The following LARP1 variants were observed in gnomAD, a reference collection of about 807,000 sequenced individuals.
The protein encoded by LARP1 is La ribonucleoprotein 1, translational regulator.
Under a neutral mutation model 122.7 loss-of-function variants are expected in LARP1, and 36 were observed. The observed-to-expected ratio is 0.29, with a 90% CI of 0.22 to 0.39. The LOEUF is 0.39. LARP1 is among the 10% of genes least tolerant of loss of function. LARP1 has a pLI of 1.00. For missense variants in LARP1, 1,040 were observed against 1,403.6 expected (o/e 0.74, Z 4.14); for synonymous variants, 539 against 528.7 (o/e 1.02, Z -0.27).
In LARP1 at chr5:154,802,504, C is replaced by T. The variant is rs1758428434; in HGVS notation, c.2109+105C>T. ...CAATTTTAGGCAGGTCCTTATAATT[C>T]AGAGTCTCAGGATTTTTATATATGG... On this transcript the variant is annotated intron_variant, in intron 11 of 18. Transcript: ENST00000518297. The surrounding 1 kb of genome is among the most constrained non-coding windows in gnomAD (Gnocchi z 5.1). The T allele has an allele frequency of 6.0e-6, 8 of 1,342,076 alleles. No individual in the cohort carries two copies. Among genetic ancestry groups the T allele is most frequent in the Non-Finnish European group, 7.9e-6 (8 of 1,006,682 alleles). The allele number at this position is 1,342,076 out of a possible 1,614,324, so 83.1% of individuals were successfully genotyped here.
At chr5:154,719,417 G>C (rs1178301975) in intron 1 of LARP1, among the ~76,000 whole-genome samples, 1 of 151,972 alleles carries the variant, frequency 6.6e-6, no homozygotes, top group African/African-American at 2.4e-5. Flanking sequence ...GAAACCTATG[G>C]GCTCCTTCTC....
rs1353680336 is a variant in LARP1, at chr5:154,816,655, G to A, written c.*2559G>A. On this transcript the variant is annotated 3_prime_UTR_variant, in exon 19 of 19. Transcript: ENST00000518297. ...TTTAGGACCGATGTATCTGTGACAA[G>A]CATGCCAGAAGTGGCAGGGGCCATC... 1 of 152,632 alleles carries A rather than the reference G, an allele frequency of 6.6e-6. No individual in the cohort carries two copies. The highest frequency in any genetic ancestry group is 1.5e-5 in the Non-Finnish European group (1 of 68,068). 9.5% of individuals were successfully genotyped at this position (152,632 alleles called of 1,614,324 possible). A position where few individuals can be genotyped will look rare whatever the true frequency, so the allele number is the denominator to read the frequency against.
intron 1 of LARP1, among the ~76,000 whole-genome samples, chr5:154,733,271 C>T (rs543745464): frequency 1.3e-5 from 2 of 152,340 alleles, no homozygotes; most frequent in East Asian, 1.9e-4. Context: ...GTTACGACAC[C>T]GTGTTGGTCT....
chr5:154,768,420 G>A (rs1755127299), intron 1 of LARP1, among the ~76,000 whole-genome samples: 1 of 152,144 alleles, frequency 6.6e-6, no homozygotes, highest in Non-Finnish European at 1.5e-5. Context: ...CCAGCCCACT[G>A]ACAAGTTTTG....
At chr5:154,751,917 ATAGT>A (rs1753520809), upstream of LARP1, among the ~76,000 whole-genome samples, 2 of 152,176 alleles carry the variant, frequency 1.3e-5, no homozygotes, top group Admixed American at 1.3e-4. Context: ...ATAAAATACC[ATAGT>A]TGGTTAGGAA....
chr5:154,720,737 A>G (rs1009663251), intron 1 of LARP1, among the ~76,000 whole-genome samples: 15 of 152,074 alleles, frequency 9.9e-5, no homozygotes, highest in Non-Finnish European at 7.4e-5. Context: ...AGAAGAAAAA[A>G]TTCTTTCCTT....
rs749004526 is a variant in LARP1, at chr5:154,800,004, G to A, written c.1678G>A (p.Val560Met). 6.2e-7 allele frequency: 1 copy of A among 1,614,072 alleles called. No individual in the cohort carries two copies. The highest frequency in any genetic ancestry group is 1.7e-5 in the Admixed American group (1 of 60,016). Reference protein sequence around the residue: ...PDLDSENWIEVKKRPRPSPAR... With the variant: ...PDLDSENWIEMKKRPRPSPAR... ...CCTGGATTCTGAGAACTGGATTGAA[G>A]TGAAGAAGAGGCCTCGGCCATCCCC... is the stretch of plus-strand genomic sequence containing the variant. The change falls in exon 10 of 19, where the codon GTG becomes ATG. Residue 560 changes from valine (V) to methionine (M), a missense_variant. Physicochemically the swap from Val to Met is conservative, Grantham distance 21. Coordinates refer to ENST00000518297, the MANE Select transcript of LARP1 (RefSeq NM_033551.3).
chr5:154,741,051 TGACAGCATGGTCCCCAGTCCAGG>T (rs1312801961), intron 1 of LARP1, among the ~76,000 whole-genome samples: 1 of 152,136 alleles, frequency 6.6e-6, no homozygotes, highest in East Asian at 1.9e-4. Flanking sequence ...CCTGGAAATC[TGACAGCATGGTCCCCAGTCCAGG>T]GACTGGGGAA....
chr5:154,699,121 T>G lies in LARP1; in HGVS notation c.-180+16084T>G, dbSNP rs1342574920. Among the ~76,000 whole-genome samples, 4 of 152,330 alleles carry G rather than the reference T, an allele frequency of 2.6e-5. No individual in the cohort carries two copies. In the East Asian group the frequency reaches 7.7e-4, roughly 29 times the overall value. ...CTTGGCTAATCTTGAGTCATTTATG[T>G]GGGCTTATCTGACTATTCCTGTTTT... is the stretch of plus-strand genomic sequence containing the variant. On this transcript the variant is annotated intron_variant, in intron 1 of 18. Transcript: ENST00000687700.
At chr5:154,759,644 T>C (rs1754283080) in intron 1 of LARP1, among the ~76,000 whole-genome samples, 1 of 152,212 alleles carries the variant, frequency 6.6e-6, no homozygotes, top group Non-Finnish European at 1.5e-5. Context: ...CTGGTGCACA[T>C]GTAGTGCCGT....
chr5:154,798,112 C>T (rs1357310616), intron 8 of LARP1, among the ~76,000 whole-genome samples: 1 of 152,094 alleles, frequency 6.6e-6, no homozygotes, highest in East Asian at 1.9e-4. Context: ...TTTTATTTTG[C>T]TTCCAAGTTT....
At chr5:154,705,945 T>C (rs1754926607) in intron 1 of LARP1, among the ~76,000 whole-genome samples, 1 of 152,144 alleles carries the variant, frequency 6.6e-6, no homozygotes, top group Admixed American at 6.6e-5. Flanking sequence ...CTATTCACAA[T>C]AGCAAAGACG....
intron 1 of LARP1, among the ~76,000 whole-genome samples, chr5:154,683,656 A>G (rs1056099496): frequency 1.4e-4 from 22 of 152,114 alleles, no homozygotes; most frequent in Non-Finnish European, 3.1e-4. Flanking sequence ...CACCCCATTC[A>G]TATTTTACAT....
intron 1 of LARP1, among the ~76,000 whole-genome samples, chr5:154,696,531 G>A (rs1163307350): frequency 6.6e-6 from 1 of 152,160 alleles, no homozygotes; most frequent in Admixed American, 6.6e-5. Context: ...TTGGTGCAAA[G>A]CCCTTCATAT....
At chr5:154,777,584 A>AC (rs1412718624) in intron 1 of LARP1, among the ~76,000 whole-genome samples, 1 of 152,088 alleles carries the variant, frequency 6.6e-6, no homozygotes, top group Non-Finnish European at 1.5e-5. Flanking sequence ...CCTTCTTCAT[A>AC]CCCCCTGCTT....
intron 1 of LARP1, among the ~76,000 whole-genome samples, chr5:154,746,310 A>G (rs1289950346): frequency 6.6e-6 from 1 of 152,190 alleles, no homozygotes; most frequent in Non-Finnish European, 1.5e-5. Flanking sequence ...TGACTGAGCG[A>G]CGGTTCTTTT....
intron 1 of LARP1, among the ~76,000 whole-genome samples, chr5:154,757,560 C>G (rs1422238154): frequency 1.3e-5 from 2 of 152,024 alleles, no homozygotes; most frequent in Non-Finnish European, 2.9e-5. Flanking sequence ...AAAAACTCAC[C>G]TGCCGTAGCT....
At chr5:154,703,174 G>A (rs1754801320) in intron 1 of LARP1, among the ~76,000 whole-genome samples, 1 of 146,016 alleles carries the variant, frequency 6.8e-6, no homozygotes, top group African/African-American at 2.5e-5. Flanking sequence ...ACCAGCAGAT[G>A]AGCCTGCTTT....
At chr5:154,807,740 A>C (rs1190243654) in intron 15 of LARP1, among the ~76,000 whole-genome samples, 1 of 152,112 alleles carries the variant, frequency 6.6e-6, no homozygotes, top group African/African-American at 2.4e-5. Context: ...TTCTGTAGAG[A>C]CAGGGGTCTC....
Sources: allele counts gnomAD v4.1 joint callset (sites outside exome capture counted in the v4.1 genomes callset), GRCh38; gene constraint gnomAD v4.1.1; non-coding constraint Gnocchi (gnomAD v3.1); transcripts MANE v1.5; gene names NCBI Gene and HGNC (gene_info 2026-07-23, HGNC 2026-07-21).